Variants in DGKI observed in about 807,000 individuals in gnomAD.
DGKI encodes the protein diacylglycerol kinase iota.
In DGKI, 55 loss-of-function variants were observed where a neutral mutation model predicts 147.5. The observed-to-expected ratio is 0.37, with a 90% CI of 0.30 to 0.47. The LOEUF (loss-of-function observed/expected upper bound fraction) is 0.47. Among genes scored for constraint, DGKI ranks in the 20% least tolerant of loss-of-function variants. The probability of loss-of-function intolerance (pLI) is 1.00; values close to 1 mark genes in which losing one functional copy is unlikely to be tolerated. For missense variants in DGKI, 1,007 were observed against 1,323.8 expected (o/e 0.76, Z 3.71); for synonymous variants, 469 against 477.1 (o/e 0.98, Z 0.22).
chr7:137,472,881 A>G (rs1815034408), intron 23 of DGKI, among the ~76,000 whole-genome samples: 1 of 152,102 alleles, frequency 6.6e-6, no homozygotes, highest in Non-Finnish European at 1.5e-5. Context: ...TATGCTGCAG[A>G]GGACACAATA....
At chr7:137,710,539 C>A (rs1314976118) in intron 1 of DGKI, among the ~76,000 whole-genome samples, 1 of 152,020 alleles carries the variant, frequency 6.6e-6, no homozygotes, top group Non-Finnish European at 1.5e-5. Context: ...CACTTTACAA[C>A]AAATGTTCCC....
At chr7:137,659,838 C>A (rs1036633939) in intron 3 of DGKI, among the ~76,000 whole-genome samples, 2 of 152,136 alleles carry the variant, frequency 1.3e-5, no homozygotes, top group African/African-American at 2.4e-5. Flanking sequence ...GAGGCTGAGG[C>A]AGGAGAACGG....
intron 8 of DGKI, among the ~76,000 whole-genome samples, chr7:137,612,952 T>C (rs1281760915): frequency 6.6e-6 from 1 of 152,122 alleles, no homozygotes; most frequent in Non-Finnish European, 1.5e-5. Context: ...AAGACCTAAA[T>C]AAAAAGGCTT....
Position 137,506,683 on chromosome 7 carries a change from T to G in DGKI, c.2248+15183A>C, listed in dbSNP as rs572516752. On this transcript the variant is annotated intron_variant, in intron 21 of 32. Coordinates refer to ENST00000614521, the MANE Select transcript of DGKI (RefSeq NM_001321708.2). The stretch of plus-strand genomic sequence containing the variant: ...GCAAAATGTTAATAAAGGGGAGAAC[T>G]GTGTGTGGATAGGTTGCGGTAGGGG... Among the ~76,000 whole-genome samples the G allele has an allele frequency of 7.9e-5, 12 of 152,228 alleles. No homozygotes were observed. The South Asian group carries it at 2.5e-3, about 32-fold the overall frequency.
intron 21 of DGKI, among the ~76,000 whole-genome samples, chr7:137,521,301 A>G (rs930428767): frequency 6.6e-6 from 1 of 152,134 alleles, no homozygotes; most frequent in East Asian, 1.9e-4. Context: ...TACAGAAAAT[A>G]CAAACTTTGA....
intron 6 of DGKI, among the ~76,000 whole-genome samples, chr7:137,632,732 G>A (rs547291650): frequency 5.3e-4 from 80 of 152,158 alleles, no homozygotes; most frequent in East Asian, 9.7e-4. Context: ...GGTGGCACAC[G>A]CCTGTAGTCC....
intron 21 of DGKI, among the ~76,000 whole-genome samples, chr7:137,508,653 G>A (rs1367639909): frequency 1.3e-5 from 2 of 152,022 alleles, no homozygotes; most frequent in Non-Finnish European, 2.9e-5. Context: ...CCAGACTCAT[G>A]CCAAATTTTA....
chr7:137,776,625 G>A (rs543286546), intron 1 of DGKI, among the ~76,000 whole-genome samples: 2 of 152,284 alleles, frequency 1.3e-5, no homozygotes, highest in African/African-American at 4.8e-5. Context: ...ACTTAAAGAA[G>A]AAACGTTCAT....
At chr7:137,606,306 A>T (rs939329991) in intron 10 of DGKI, among the ~76,000 whole-genome samples, 3 of 152,046 alleles carry the variant, frequency 2.0e-5, no homozygotes, top group African/African-American at 7.2e-5. Context: ...CAAGTTAAAA[A>T]TTTTTTAAAA....
intron 1 of DGKI, among the ~76,000 whole-genome samples, chr7:137,824,343 C>A (rs1378218986): frequency 6.6e-6 from 1 of 151,822 alleles, no homozygotes; most frequent in Non-Finnish European, 1.5e-5. Context: ...ATGGAGAAAC[C>A]CCGTCTCTAC....
intron 26 of DGKI, among the ~76,000 whole-genome samples, 195 bp from the exon 27 acceptor site, chr7:137,463,806 C>T (rs1204081831): frequency 2.0e-5 from 3 of 152,166 alleles, no homozygotes; most frequent in Non-Finnish European, 4.4e-5. Flanking sequence ...ATGATTCTGT[C>T]CCCTTCACAG....
rs1812016240 is a variant in DGKI at position 137,407,905 on chromosome 7, C to T, written c.2890G>A (p.Gly964Arg). The T allele has an allele frequency of 3.1e-6, 5 of 1,613,990 alleles. No homozygotes were observed. Among genetic ancestry groups the T allele is most frequent in the Admixed American group, 1.7e-5 (1 of 59,998 alleles). ...TCAAGGATATATTTCACAATCTCCC[C>T]GTTGCCGGTTTTAGCTGCGTAGTGA... Reference protein sequence around the residue: ...LLHYAAKTGNGEIVKYILDHG... With the variant: ...LLHYAAKTGNREIVKYILDHG... The change falls in exon 30 of 33, where the codon GGG becomes AGG. Residue 964 changes from glycine (G) to arginine (R), a missense_variant. By Grantham distance (125) the Gly-to-Arg change is moderately radical (BLOSUM62 -2). Transcript: ENST00000614521.
At chr7:137,735,592 A>G (rs962873067) in intron 1 of DGKI, among the ~76,000 whole-genome samples, 1 of 152,074 alleles carries the variant, frequency 6.6e-6, no homozygotes, top group Non-Finnish European at 1.5e-5. Flanking sequence ...CAAGGGTACC[A>G]TCTTAGATTT....
At chr7:137,485,877 C>T (rs972351512) in intron 22 of DGKI, among the ~76,000 whole-genome samples, 7 of 152,106 alleles carry the variant, frequency 4.6e-5, no homozygotes, top group Admixed American at 2.0e-4. Context: ...TGATAAGTCG[C>T]TTAGCAAATA....
chr7:137,678,245 G>T (rs183806401), intron 3 of DGKI, among the ~76,000 whole-genome samples: 18 of 151,950 alleles, frequency 1.2e-4, no homozygotes, highest in Admixed American at 1.2e-3. Flanking sequence ...CCTCCATAAG[G>T]AGACACTACC....
intron 1 of DGKI, among the ~76,000 whole-genome samples, chr7:137,751,399 G>T (rs914109177): frequency 1.3e-5 from 2 of 152,140 alleles, no homozygotes; most frequent in Admixed American, 1.3e-4. Context: ...TCCATTCACC[G>T]AGTACCTCTC....
At chr7:137,392,343 C>A (rs1262005214) in intron 32 of DGKI, among the ~76,000 whole-genome samples, 1 of 151,914 alleles carries the variant, frequency 6.6e-6, no homozygotes, top group East Asian at 1.9e-4. Flanking sequence ...TACTTGGCAT[C>A]GCTCAAAATT....
chr7:137,821,402 G>T (rs1797891952), intron 1 of DGKI, among the ~76,000 whole-genome samples: 1 of 151,898 alleles, frequency 6.6e-6, no homozygotes, highest in Non-Finnish European at 1.5e-5. Context: ...GTCACAGACA[G>T]AGAATTGGGA....
intron 1 of DGKI, among the ~76,000 whole-genome samples, chr7:137,803,954 G>A (rs765943164): frequency 6.6e-6 from 1 of 152,172 alleles, no homozygotes; most frequent in African/African-American, 2.4e-5. Flanking sequence ...GAAAATATAA[G>A]CTAACAAGCA....
Sources: allele counts gnomAD v4.1 joint callset (sites outside exome capture counted in the v4.1 genomes callset), GRCh38; gene constraint gnomAD v4.1.1; transcripts MANE v1.5; gene names NCBI Gene and HGNC (gene_info 2026-07-23, HGNC 2026-07-21).